Variants in MEGF9 observed in about 807,000 individuals in gnomAD.
MEGF9 encodes multiple EGF like domains 9, also known as multiple epidermal growth factor-like domains protein 9.
Under a neutral mutation model 46.8 loss-of-function variants are expected in MEGF9, and 6 were observed. The observed-to-expected ratio is 0.13, with a 90% CI of 0.07 to 0.25. The LOEUF is 0.25. MEGF9 is among the 10% of genes least tolerant of loss of function. The pLI is 1.00. For missense variants in MEGF9, 683 were observed against 792.4 expected (o/e 0.86, Z 1.66); for synonymous variants, 302 against 330.7 (o/e 0.91, Z 0.94).
intron 2 of MEGF9, among the ~76,000 whole-genome samples, chr9:120,657,643 T>G (rs1276858362): frequency 6.6e-6 from 1 of 152,218 alleles, no homozygotes; most frequent in Non-Finnish European, 1.5e-5. Context: ...GTAAGCAATG[T>G]GAAACTTCTG....
intron 2 of MEGF9, among the ~76,000 whole-genome samples, chr9:120,626,018 G>GA (rs569898757): frequency 1.2e-4 from 17 of 142,048 alleles, no homozygotes; most frequent in African/African-American, 1.5e-4. Context: ...AACCAAAAAA[G>GA]AAAAAAAAAA....
At chr9:120,695,603 C>CAAAAAAAAAAAAAAAAAAAAAAAAAAAAA (rs370281228) in intron 1 of MEGF9, among the ~76,000 whole-genome samples, 1 of 18,676 alleles carries the variant, frequency 5.4e-5, no homozygotes, top group African/African-American at 1.2e-4. Context: ...GACCCCATCT[C>CAAAAAAAAAAAAAAAAAAAAAAAAAAAAA]AAAAAAAAAA....
At chr9:120,681,890 G>C (rs1218730167) in intron 1 of MEGF9, among the ~76,000 whole-genome samples, 1 of 152,184 alleles carries the variant, frequency 6.6e-6, no homozygotes, top group African/African-American at 2.4e-5. Flanking sequence ...ATGAAGTAAA[G>C]GGACTTGGGT....
chr9:120,610,786 G>A (rs1023468300), intron 4 of MEGF9, among the ~76,000 whole-genome samples: 1 of 151,704 alleles, frequency 6.6e-6, no homozygotes, highest in Non-Finnish European at 1.5e-5. Context: ...ATTTGAATTG[G>A]GCCTTGCTAA....
rs551759248 is a variant in MEGF9, at chr9:120,604,999, G to T, written c.*191C>A. On this transcript the variant is annotated 3_prime_UTR_variant, in exon 6 of 6. Coordinates refer to ENST00000373930, the MANE Select transcript of MEGF9 (RefSeq NM_001080497.3). Reference sequence around the variant, plus strand: ...ACTTCAAGTCCTAATGACAGTGAACGCTTCAGATCTTCATGGGAAAACTAA... The same window carrying T: ...ACTTCAAGTCCTAATGACAGTGAACTCTTCAGATCTTCATGGGAAAACTAA... The T allele has an allele frequency of 1.7e-6, 1 of 604,996 alleles. No individual in the cohort carries two copies. The highest frequency in any genetic ancestry group is 1.8e-5 in the African/African-American group (1 of 54,100). 37.5% of individuals were successfully genotyped at this position (604,996 alleles called of 1,614,324 possible).
chr9:120,689,592 G>A (rs182386314), intron 1 of MEGF9, among the ~76,000 whole-genome samples: 1 of 152,160 alleles, frequency 6.6e-6, no homozygotes, highest in Admixed American at 6.5e-5. Flanking sequence ...TAAATGCCAA[G>A]AGCATGTGCA....
intron 2 of MEGF9, among the ~76,000 whole-genome samples, chr9:120,658,472 A>C (rs2043687370): frequency 6.6e-6 from 1 of 152,214 alleles, no homozygotes; most frequent in African/African-American, 2.4e-5. Context: ...AACAAACCAG[A>C]ATTTATTGAG....
At chr9:120,685,383 C>T (rs556288586) in intron 1 of MEGF9, among the ~76,000 whole-genome samples, 1 of 152,340 alleles carries the variant, frequency 6.6e-6, no homozygotes, top group East Asian at 1.9e-4. Context: ...CGGATATTCT[C>T]AGAGACCAAT....
At chr9:120,655,819 A>G (rs1238999692) in intron 2 of MEGF9, among the ~76,000 whole-genome samples, 1 of 152,244 alleles carries the variant, frequency 6.6e-6, no homozygotes, top group Non-Finnish European at 1.5e-5. Context: ...AAGTAGTAAC[A>G]TGCTACATAT....
chr9:120,648,968 G>C (rs769122056), intron 2 of MEGF9, among the ~76,000 whole-genome samples: 21 of 152,140 alleles, frequency 1.4e-4, no homozygotes, highest in Non-Finnish European at 2.4e-4. Context: ...GCATGGGATG[G>C]GGCTTGGCTC....
Position 120,714,041 on chromosome 9 carries a change from C to G in MEGF9, c.318G>C (p.Trp106Cys). The change falls in exon 1 of 6, where the codon TGG becomes TGC. Residue 106 changes from tryptophan (W) to cysteine (C), a missense_variant. Coordinates refer to ENST00000373930, the MANE Select transcript of MEGF9 (RefSeq NM_001080497.3). ...TGGTGGAAGAGGGTCCAGCAGTCGC[C>G]CAAAGAGGGGTGGTCTCCGGGGACT... ...PAQSPETTPL[W>C]ATAGPSSTTF... The G allele has an allele frequency of 7.6e-7, 1 of 1,318,194 alleles. No individual in the cohort carries two copies. Among genetic ancestry groups the G allele is most frequent in the Non-Finnish European group, 9.7e-7 (1 of 1,030,810 alleles). 81.7% of individuals were successfully genotyped at this position (1,318,194 alleles called of 1,614,324 possible). A position where few individuals can be genotyped will look rare whatever the true frequency, so the allele number is the denominator to read the frequency against.
intron 1 of MEGF9, among the ~76,000 whole-genome samples, chr9:120,675,898 A>C (rs1486345213): frequency 6.6e-6 from 1 of 151,078 alleles, no homozygotes; most frequent in Non-Finnish European, 1.5e-5. Flanking sequence ...AAAAAAAAAA[A>C]AAAAAAAAAA....
chr9:120,625,553 C>T (rs889339601), intron 2 of MEGF9, among the ~76,000 whole-genome samples: 3 of 150,750 alleles, frequency 2.0e-5, no homozygotes, highest in African/African-American at 4.9e-5. Flanking sequence ...AGATTTAAAT[C>T]GGCCAGGTGC....
chr9:120,673,125 A>T (rs2043757563), intron 1 of MEGF9, among the ~76,000 whole-genome samples: 1 of 152,276 alleles, frequency 6.6e-6, no homozygotes. Flanking sequence ...TAAAATTTTA[A>T]TACCACTTAG....
At chr9:120,691,265 G>A (rs773581688) in intron 1 of MEGF9, 4 of 203,420 alleles carry the variant, frequency 2.0e-5, no homozygotes, top group South Asian at 1.3e-4. Context: ...AATGGATAGG[G>A]GTGTGGATGA....
At chr9:120,700,586 C>T (rs189726640) in intron 1 of MEGF9, among the ~76,000 whole-genome samples, 265 of 152,244 alleles carry the variant, frequency 1.7e-3, no homozygotes, top group African/African-American at 6.0e-3. Flanking sequence ...CTCATCAAGA[C>T]TCAATAAACA....
chr9:120,706,030 AT>A (rs955236101), intron 1 of MEGF9, among the ~76,000 whole-genome samples: 1 of 152,122 alleles, frequency 6.6e-6, no homozygotes, highest in Non-Finnish European at 1.5e-5. Flanking sequence ...TTACATTTTT[AT>A]TTTCTTCTGC....
chr9:120,620,539 A>C (rs2043494439), intron 3 of MEGF9, among the ~76,000 whole-genome samples: 1 of 152,208 alleles, frequency 6.6e-6, no homozygotes, highest in Non-Finnish European at 1.5e-5. Context: ...AAAAAATACA[A>C]GTATATGTGA....
At chr9:120,676,888 A>G (rs74470066) in intron 1 of MEGF9, among the ~76,000 whole-genome samples, 1,631 of 152,298 alleles carry the variant, frequency 0.011, 44 homozygotes, top group African/African-American at 0.038. Context: ...CCAGTTTATT[A>G]AGAGGAAAAC....
Sources: gnomAD v4.1 joint callset for allele counts (sites outside exome capture counted in the v4.1 genomes callset) on GRCh38, gnomAD v4.1.1 for gene constraint, MANE v1.5 for transcripts, NCBI Gene and HGNC (gene_info 2026-07-23, HGNC 2026-07-21) for gene names.